ABL2: variants seen among roughly 807,000 people sequenced by gnomAD.
The protein encoded by ABL2 is ABL proto-oncogene 2, non-receptor tyrosine kinase.
A neutral mutation model predicts 107.7 loss-of-function variants in ABL2; 49 were observed. That is an observed-to-expected ratio of 0.45 (90% confidence interval 0.36 to 0.58). The LOEUF is 0.58. Among genes scored for constraint, ABL2 ranks in the 20% least tolerant of loss-of-function variants. The probability of loss-of-function intolerance (pLI) is 0.00; values close to 1 mark genes in which losing one functional copy is unlikely to be tolerated. For synonymous variants in ABL2, 549 were observed against 548.6 expected, an observed-to-expected ratio of 1.00 and a Z score of -0.01; for missense variants, 1,245 against 1,457.0, an observed-to-expected ratio of 0.85 and a Z score of 2.37.
intron 3 of ABL2, among the ~76,000 whole-genome samples, chr1:179,128,810 A>G (rs1655993724): frequency 1.3e-5 from 2 of 152,182 alleles, no homozygotes; most frequent in African/African-American, 4.8e-5. Flanking sequence ...CAGCCCCCCA[A>G]GTACCTGGGT....
chr1:179,147,631 C>G (rs902255923), intron 1 of ABL2, among the ~76,000 whole-genome samples: 1 of 152,282 alleles, frequency 6.6e-6, no homozygotes, highest in South Asian at 2.1e-4. Context: ...GCCAAAAACC[C>G]TATGTTCTCA....
In ABL2 at chr1:179,110,443, TCCTCAGCTA is replaced by T; in HGVS notation, c.1655_1663del (p.Val552_Glu554del). The T allele has an allele frequency of 6.2e-7, 1 of 1,611,842 alleles. No homozygotes were observed. The highest frequency in any genetic ancestry group is 1.1e-5 in the South Asian group (1 of 90,484). On this transcript the variant is annotated inframe_deletion, in exon 11 of 12. Coordinates refer to ENST00000502732, the MANE Select transcript of ABL2 (RefSeq NM_007314.4). Reference sequence around the variant, plus strand: ...TGACGAGGAGGCGGCTCTCCCAAGCTCCTCAGCTACCTCTGTGAGGAAGACAAGGGGACC... The same window carrying T: ...TGACGAGGAGGCGGCTCTCCCAAGCTCCTCTGTGAGGAAGACAAGGGGACC...
chr1:179,129,008 T>G (rs558239633), intron 3 of ABL2, among the ~76,000 whole-genome samples: 303 of 152,198 alleles, frequency 2.0e-3, no homozygotes, highest in Non-Finnish European at 3.6e-3. Flanking sequence ...AAAAAAAAAA[T>G]TCAAGCAAAA....
At chr1:179,143,239 A>G in intron 1 of ABL2, 1 of 625,922 alleles carries the variant, frequency 1.6e-6, no homozygotes, top group Admixed American at 3.8e-5. Context: ...ATTTCCAGCA[A>G]TCCGCAAAAG....
At chr1:179,127,131 C>T (rs752009385) in intron 3 of ABL2, among the ~76,000 whole-genome samples, 1 of 151,998 alleles carries the variant, frequency 6.6e-6, no homozygotes, top group African/African-American at 2.4e-5. Context: ...TACAAAGTGA[C>T]TTCTAAATTT....
At chr1:179,178,765 G>T (rs1457125215) in intron 1 of ABL2, among the ~76,000 whole-genome samples, 1 of 151,862 alleles carries the variant, frequency 6.6e-6, no homozygotes, top group East Asian at 1.9e-4. Flanking sequence ...TGGGCTGGGG[G>T]GGGTGCCTGT....
chr1:179,112,282 C>G (rs1654163165), intron 10 of ABL2, 27 bp downstream of exon 10: 1 of 1,592,340 alleles, frequency 6.3e-7, no homozygotes, highest in African/African-American at 1.3e-5. Context: ...GAATTAGTCA[C>G]CAACAGTAAA....
intron 11 of ABL2, 132 bp downstream of exon 11, chr1:179,110,150 T>G: frequency 9.2e-7 from 1 of 1,088,462 alleles, no homozygotes; most frequent in Admixed American, 2.1e-5. Context: ...AAGGGCTTCA[T>G]GGGTGGGTAA....
chr1:179,131,029 C>T (rs1656268393), intron 3 of ABL2, among the ~76,000 whole-genome samples: 1 of 151,840 alleles, frequency 6.6e-6, no homozygotes, highest in Non-Finnish European at 1.5e-5. Context: ...CAACCTCTGC[C>T]TCCCGAGTTC....
At chr1:179,178,607 C>T (rs1014731661) in intron 1 of ABL2, among the ~76,000 whole-genome samples, 3 of 151,430 alleles carry the variant, frequency 2.0e-5, no homozygotes, top group African/African-American at 4.9e-5. Flanking sequence ...GTAAGAACAT[C>T]GGGCGGGCAT....
chr1:179,122,577 T>G (rs959563118), intron 4 of ABL2, among the ~76,000 whole-genome samples: 1 of 152,000 alleles, frequency 6.6e-6, no homozygotes, highest in Non-Finnish European at 1.5e-5. Flanking sequence ...ATCAAGCTCA[T>G]TGGTCTTCAA....
chr1:179,167,351 T>C (rs559393928), intron 1 of ABL2, among the ~76,000 whole-genome samples: 4 of 152,286 alleles, frequency 2.6e-5, no homozygotes, highest in Admixed American at 6.5e-5. Flanking sequence ...TATGTGACAG[T>C]TGATCTCATG....
chr1:179,208,977 A>G (rs1032560743), intron 1 of ABL2, among the ~76,000 whole-genome samples: 4 of 152,334 alleles, frequency 2.6e-5, no homozygotes, highest in Middle Eastern at 3.4e-3. Context: ...GCACTAACAA[A>G]AAATAACTAG....
chr1:179,207,528 G>A (rs1303326552), intron 1 of ABL2, among the ~76,000 whole-genome samples: 2 of 152,006 alleles, frequency 1.3e-5, no homozygotes, highest in East Asian at 3.9e-4. Context: ...AAAAAATAAT[G>A]TTTAAAAAAC....
Position 179,109,219 on chromosome 1 carries a change from T to A in ABL2, c.2048A>T (p.Tyr683Phe). 1.9e-6 allele frequency: 3 copies of A among 1,614,130 alleles called. No individual in the cohort carries two copies. The highest frequency in any genetic ancestry group is 2.5e-6 in the Non-Finnish European group (3 of 1,180,016). The change falls in exon 12 of 12, where the codon TAC becomes TTC. Residue 683 changes from tyrosine to phenylalanine, a missense_variant. Tyr to Phe is a conservative substitution (Grantham distance 22). Around this residue, in one of 3 missense-constraint regions of ABL2, gnomAD observed 761 missense variants for 766.4 expected, o/e 0.99. Coordinates refer to ENST00000502732, the MANE Select transcript of ABL2 (RefSeq NM_007314.4). ...AGATGAGAAGTTACCCGTGAGTTCG[T>A]ATTTCTTATGGGGCTGATTCTCCAT... is the stretch of plus-strand genomic sequence containing the variant. Reference protein sequence around the residue: ...REMENQPHKKYELTGNFSSVA... With the variant: ...REMENQPHKKFELTGNFSSVA...
intron 1 of ABL2, among the ~76,000 whole-genome samples, chr1:179,182,085 C>T (rs1217013390): frequency 6.6e-6 from 1 of 151,746 alleles, no homozygotes; most frequent in Non-Finnish European, 1.5e-5. Flanking sequence ...GCGTGAGCCA[C>T]CGCACCCAGC....
At chr1:179,142,733 C>T (rs974979286) in intron 1 of ABL2, among the ~76,000 whole-genome samples, 3 of 152,142 alleles carry the variant, frequency 2.0e-5, no homozygotes, top group African/African-American at 4.8e-5. Flanking sequence ...CAAAATACTA[C>T]ATATTATCCA....
intron 1 of ABL2, among the ~76,000 whole-genome samples, chr1:179,181,114 C>T (rs1425927000): frequency 2.0e-5 from 3 of 152,192 alleles, no homozygotes; most frequent in Non-Finnish European, 2.9e-5. Context: ...CAGTACATTC[C>T]TTCTTGTTCC....
rs569066432 is a variant in ABL2 at position 179,148,181 on chromosome 1, C to A, written c.158-14807G>T. ...AGCCTCCTGAGTAGCTGGGACCACA[C>A]GTGTGTGCCATCACCCCCGGCTAAT... On this transcript the variant is annotated intron_variant, in intron 1 of 11. Coordinates refer to ENST00000502732, the MANE Select transcript of ABL2 (RefSeq NM_007314.4). 4.6e-5 allele frequency among the ~76,000 whole-genome samples: 7 copies of A among 151,864 alleles called. No homozygotes were observed. In the South Asian group the frequency reaches 1.0e-3, roughly 23 times the overall value.
Sources: gnomAD v4.1 joint callset for allele counts (sites outside exome capture counted in the v4.1 genomes callset) on GRCh38, gnomAD v4.1.1 for gene constraint, gnomAD v4.1.1 regional missense constraint, MANE v1.5 for transcripts, NCBI Gene and HGNC (gene_info 2026-07-23, HGNC 2026-07-21) for gene names.